Variants in ZFHX4 observed in about 807,000 individuals in gnomAD.
The protein encoded by ZFHX4 is zinc finger homeobox 4, also known as zinc finger homeobox protein 4.
Under a neutral mutation model 267.6 loss-of-function variants are expected in ZFHX4, and 56 were observed. The observed-to-expected ratio is 0.21, with a 90% CI of 0.17 to 0.26. The LOEUF (loss-of-function observed/expected upper bound fraction) is 0.26. Ranked by LOEUF, ZFHX4 falls within the 10% of genes least tolerant of loss-of-function variation. The pLI is 1.00. For synonymous variants in ZFHX4, 1,778 were observed against 1,665.6 expected (o/e 1.07, Z -1.64); for missense variants, 4,332 against 4,420.0 (o/e 0.98, Z 0.56).
At chr8:76,709,266 T>C (rs1474701523) in intron 3 of ZFHX4, among the ~76,000 whole-genome samples, 11 of 152,178 alleles carry the variant, frequency 7.2e-5, no homozygotes, top group Non-Finnish European at 4.4e-5. Context: ...GTGTGAGAAT[T>C]TGTAGCACTC....
intron 3 of ZFHX4, among the ~76,000 whole-genome samples, chr8:76,718,961 A>ACG (rs1808648001): frequency 6.6e-6 from 1 of 151,594 alleles, no homozygotes; most frequent in Non-Finnish European, 1.5e-5. Flanking sequence ...ACACACACAC[A>ACG]CACACACATG....
At chr8:76,849,349 T>C (rs1392798919) in intron 7 of ZFHX4, among the ~76,000 whole-genome samples, 163 bp from the exon 8 acceptor site, 1 of 152,184 alleles carries the variant, frequency 6.6e-6, no homozygotes, top group Non-Finnish European at 1.5e-5. Flanking sequence ...GTACAAGAAA[T>C]AGTGAATGTC....
At position 76,855,386 on chromosome 8, in the gene ZFHX4, A is replaced by C. The variant is rs772737887; in HGVS notation, c.8465A>C (p.Glu2822Ala). 1 of 1,613,798 alleles carries C rather than the reference A, an allele frequency of 6.2e-7. No individual in the cohort carries two copies. Among genetic ancestry groups the C allele is most frequent in the Non-Finnish European group, 8.5e-7 (1 of 1,179,852 alleles). Residue 2822 changes from glutamate (E) to alanine (A), a missense_variant, in exon 10 of 11, where the codon GAA becomes GCA. Physicochemically the swap from Glu to Ala is moderately radical, Grantham distance 107 (BLOSUM62 -1). Coordinates refer to ENST00000651372, the MANE Select transcript of ZFHX4 (RefSeq NM_024721.5). ...DATTGDEGNT[E>A]MESTTGSSGD... The stretch of plus-strand genomic sequence containing the variant: ...ACCACCGGAGACGAGGGAAACACTG[A>C]AATGGAAAGCACCACAGGAAGTTCC...
chr8:76,796,797 A>G (rs573103840), intron 4 of ZFHX4, among the ~76,000 whole-genome samples: 2 of 152,294 alleles, frequency 1.3e-5, no homozygotes, highest in East Asian at 1.9e-4. Context: ...TCTTTTCATA[A>G]CCAGGGAAAA....
chr8:76,702,638 A>G (rs530173905), intron 1 of ZFHX4, among the ~76,000 whole-genome samples: 83 of 152,176 alleles, frequency 5.5e-4, no homozygotes, highest in Non-Finnish European at 9.1e-4. Flanking sequence ...ATCATAACCA[A>G]TATGATATGC....
In ZFHX4 at chr8:76,851,748, A is replaced by G; in HGVS notation, c.4827A>G (p.Glu1609=). ...CATACAGCCAAAGCTCAACATTGGA[A>G]ATCCACATGAGGTCTGTGCTCCACC... ...NVAYSQSSTL[E]IHMRSVLHQT... is the part of the protein sequence containing the mutation. The change falls in exon 10 of 11, where the codon GAA becomes GAG. Residue 1609 remains glutamate (E), a synonymous_variant. Transcript: ENST00000651372. 1 of 1,613,976 alleles carries G rather than the reference A, an allele frequency of 6.2e-7. No homozygotes were observed. The highest frequency in any genetic ancestry group is 8.5e-7 in the Non-Finnish European group (1 of 1,179,882).
intron 1 of ZFHX4, among the ~76,000 whole-genome samples, chr8:76,682,121 G>A (rs1807548875): frequency 6.6e-6 from 1 of 151,960 alleles, no homozygotes; most frequent in Non-Finnish European, 1.5e-5. Context: ...CGCTCGCCCC[G>A]CGCCCCTGCA....
At chr8:76,849,383 C>A in intron 7 of ZFHX4, 129 bp from the exon 8 acceptor site, 1 of 918,352 alleles carries the variant, frequency 1.1e-6, no homozygotes, top group East Asian at 2.6e-5. Context: ...ATCCCATTTA[C>A]CCTGATTTGA....
chr8:76,804,890 A>G (rs920467599), intron 4 of ZFHX4, among the ~76,000 whole-genome samples: 4 of 152,070 alleles, frequency 2.6e-5, no homozygotes, highest in Admixed American at 6.6e-5. Context: ...GCACAGCTCA[A>G]TAGCATTAAA....
rs1464181676 is a variant in ZFHX4 at position 76,863,711 on chromosome 8, C to G, written c.9997C>G (p.Gln3333Glu). 6.4e-7 allele frequency: 1 copy of G among 1,569,818 alleles called. No individual in the cohort carries two copies. Among genetic ancestry groups the G allele is most frequent in the Non-Finnish European group, 8.6e-7 (1 of 1,156,956 alleles). Residue 3333 changes from glutamine (Q) to glutamate (E), a missense_variant, in exon 11 of 11, where the codon CAG (glutamine) becomes GAG (glutamate). Physicochemically the swap from Gln to Glu is conservative, Grantham distance 29. Coordinates refer to ENST00000651372, the MANE Select transcript of ZFHX4 (RefSeq NM_024721.5). The part of the protein sequence containing the change: ...QQNLQESLQK[Q>E]QKQQQEQQQK... ...GAACCTGCAGGAGTCCCTGCAAAAG[C>G]AGCAAAAGCAACAGCAAGAACAGCA...
intron 3 of ZFHX4, among the ~76,000 whole-genome samples, chr8:76,758,170 C>T (rs188850747): frequency 1.3e-5 from 2 of 151,998 alleles, no homozygotes; most frequent in Admixed American, 1.3e-4. Flanking sequence ...AATGATGGCA[C>T]AATATGGTAA....
chr8:76,800,656 A>C (rs905002958), intron 4 of ZFHX4, among the ~76,000 whole-genome samples: 8 of 152,202 alleles, frequency 5.3e-5, no homozygotes, highest in Non-Finnish European at 1.0e-4. Context: ...TTAACAAGCC[A>C]ATCTTAATCA....
intron 1 of ZFHX4, among the ~76,000 whole-genome samples, chr8:76,689,887 C>T (rs1382053281): frequency 6.6e-6 from 1 of 152,008 alleles, no homozygotes; most frequent in Non-Finnish European, 1.5e-5. Context: ...TATAATTAAC[C>T]ACTTTAACAT....
chr8:76,745,783 A>C (rs1585903806), intron 3 of ZFHX4, among the ~76,000 whole-genome samples: 1 of 152,344 alleles, frequency 6.6e-6, no homozygotes, highest in East Asian at 1.9e-4. Context: ...AATGATTAAA[A>C]TAGCATTGTT....
At chr8:76,682,461 G>A (rs968002906) in intron 1 of ZFHX4, 2 of 152,390 alleles carry the variant, frequency 1.3e-5, no homozygotes, top group Non-Finnish European at 2.9e-5. Context: ...AGGCACTACC[G>A]AGGGCTGCTC....
chr8:76,840,515 G>C (rs991004254), intron 5 of ZFHX4, among the ~76,000 whole-genome samples: 5 of 152,144 alleles, frequency 3.3e-5, no homozygotes, highest in African/African-American at 1.2e-4. Flanking sequence ...AAATCTCTCT[G>C]ATGAGACCCA....
chr8:76,857,523 T>C (rs987599828), intron 10 of ZFHX4, among the ~76,000 whole-genome samples: 1 of 152,034 alleles, frequency 6.6e-6, no homozygotes, highest in East Asian at 1.9e-4. Context: ...TATTTTAACT[T>C]TTAGTTTGGG....
chr8:76,837,639 C>T (rs1812127404), intron 5 of ZFHX4, among the ~76,000 whole-genome samples: 1 of 152,166 alleles, frequency 6.6e-6, no homozygotes, highest in South Asian at 2.1e-4. Flanking sequence ...ATTCACTGTT[C>T]CAACTAACAT....
intron 3 of ZFHX4, among the ~76,000 whole-genome samples, chr8:76,746,734 A>T (rs1809469032): frequency 6.6e-6 from 1 of 152,226 alleles, no homozygotes; most frequent in African/African-American, 2.4e-5. Flanking sequence ...ATGTGAAACC[A>T]TAAAGTTTAA....
Sources: gnomAD v4.1 joint callset for allele counts (sites outside exome capture counted in the v4.1 genomes callset) on GRCh38, gnomAD v4.1.1 for gene constraint, MANE v1.5 for transcripts, NCBI Gene and HGNC (gene_info 2026-07-23, HGNC 2026-07-21) for gene names.